CDK8: variants seen among roughly 807,000 people sequenced by gnomAD.
CDK8 encodes cyclin dependent kinase 8.
A neutral mutation model predicts 71.5 loss-of-function variants in CDK8; 29 were observed. The ratio of observed to expected loss-of-function variants is 0.41; its 90% CI spans 0.30 to 0.55. The LOEUF (loss-of-function observed/expected upper bound fraction) is 0.55, where lower values mean the gene tolerates loss of function less well. Ranked by LOEUF, CDK8 falls within the 20% of genes least tolerant of loss-of-function variation. The pLI is 0.37. For missense variants in CDK8, 288 were observed against 572.6 expected (o/e 0.50, Z 5.07); for synonymous variants, 161 against 192.1 (o/e 0.84, Z 1.34).
At chr13:26,348,745 T>C (rs1051738548) in intron 2 of CDK8, among the ~76,000 whole-genome samples, 17 of 152,174 alleles carry the variant, frequency 1.1e-4, no homozygotes, top group Non-Finnish European at 2.4e-4. Context: ...GTGAATATAC[T>C]TATAGGATGC....
At chr13:26,309,985 A>T (rs1311944499) in intron 1 of CDK8, among the ~76,000 whole-genome samples, 2 of 151,780 alleles carry the variant, frequency 1.3e-5, no homozygotes, top group Non-Finnish European at 2.9e-5. Context: ...CGAACTTCTG[A>T]CCTCAGGTGA....
intron 1 of CDK8, among the ~76,000 whole-genome samples, chr13:26,324,112 A>T (rs1874915822): frequency 6.6e-6 from 1 of 152,202 alleles, no homozygotes; most frequent in Non-Finnish European, 1.5e-5. Flanking sequence ...GAAATAATTG[A>T]TACAGAGTGC....
chr13:26,275,695 C>T (rs576082144), intron 1 of CDK8, among the ~76,000 whole-genome samples: 5 of 152,174 alleles, frequency 3.3e-5, no homozygotes, highest in South Asian at 4.1e-4. Context: ...CCTCATTAAC[C>T]CACCATGTAT....
intron 9 of CDK8, 37 bp downstream of exon 9, chr13:26,397,262 T>C: frequency 7.4e-7 from 1 of 1,356,676 alleles, no homozygotes; most frequent in Non-Finnish European, 1.0e-6. Context: ...AAATGCATTT[T>C]TTCCTTAATT....
chr13:26,378,167 C>T (rs1359067784), intron 4 of CDK8, among the ~76,000 whole-genome samples: 23 of 152,218 alleles, frequency 1.5e-4, no homozygotes, highest in Admixed American at 1.3e-3. Context: ...CTTCCTATGT[C>T]GGATAGCTCT....
At chr13:26,376,696 C>G (rs1710752730) in intron 4 of CDK8, among the ~76,000 whole-genome samples, 1 of 152,092 alleles carries the variant, frequency 6.6e-6, no homozygotes, top group African/African-American at 2.4e-5. Context: ...CCATATTGAT[C>G]TCTTAGCACT....
At chr13:26,265,924 T>C (rs1350495181) in intron 1 of CDK8, among the ~76,000 whole-genome samples, 2 of 152,084 alleles carry the variant, frequency 1.3e-5, no homozygotes, top group Admixed American at 1.3e-4. Flanking sequence ...AGAATGGCCA[T>C]AGGAAGCTGT....
At position 26,337,597 on chromosome 13, in the gene CDK8, A is replaced by G. The variant is rs1593272708; in HGVS notation, c.159A>G (p.Gln53=). 1.4e-6 allele frequency: 2 copies of G among 1,463,434 alleles called. No individual in the cohort carries two copies. The highest frequency in any genetic ancestry group is 9.0e-7 in the Non-Finnish European group (1 of 1,107,362). 90.7% of individuals were successfully genotyped at this position (1,463,434 alleles called of 1,614,324 possible). ...GKDDKDYALK[Q]IEGTGISMSA... is the part of the protein sequence containing the mutation. ...ATGATAAAGACTATGCTTTAAAACA[A>G]ATAGAAGGAACTGGGATCTCTATGT... Residue 53 remains glutamine, a synonymous_variant, in exon 2 of 13, where the codon CAA becomes CAG. Coordinates refer to ENST00000381527, the MANE Select transcript of CDK8 (RefSeq NM_001260.3).
At chr13:26,280,229 A>G (rs549546459) in intron 1 of CDK8, among the ~76,000 whole-genome samples, 1 of 152,380 alleles carries the variant, frequency 6.6e-6, no homozygotes, top group East Asian at 1.9e-4. Flanking sequence ...GGTGGCTAAG[A>G]AACTTAAATA....
chr13:26,358,129 A>G (rs1315897754), intron 4 of CDK8, among the ~76,000 whole-genome samples: 1 of 151,596 alleles, frequency 6.6e-6, no homozygotes, highest in Non-Finnish European at 1.5e-5. Flanking sequence ...CCCTATCTCT[A>G]CTAAAAAAAA....
intron 6 of CDK8, among the ~76,000 whole-genome samples, chr13:26,387,934 C>G (rs955081582): frequency 1.3e-5 from 2 of 152,224 alleles, no homozygotes; most frequent in Non-Finnish European, 2.9e-5. Flanking sequence ...CCTCACCTCA[C>G]TGTTCACCGT....
At chr13:26,388,097 G>A (rs937732137) in intron 6 of CDK8, among the ~76,000 whole-genome samples, 1 of 152,154 alleles carries the variant, frequency 6.6e-6, no homozygotes, top group Non-Finnish European at 1.5e-5. Context: ...GATTCAAGAA[G>A]GGAAAAGGAG....
At chr13:26,337,288 T>A (rs967387082) in intron 1 of CDK8, among the ~76,000 whole-genome samples, 1 of 152,212 alleles carries the variant, frequency 6.6e-6, no homozygotes, top group Non-Finnish European at 1.5e-5. Flanking sequence ...AGGAATCTAT[T>A]ACTGGAAGTC....
chr13:26,255,162 C>G (rs531645388), intron 1 of CDK8, among the ~76,000 whole-genome samples: 15 of 151,808 alleles, frequency 9.9e-5, no homozygotes. Flanking sequence ...TCTGGAGTGT[C>G]ATCCATCGGT....
intron 1 of CDK8, chr13:26,324,871 G>C: frequency 2.1e-6 from 1 of 484,688 alleles, no homozygotes; most frequent in Non-Finnish European, 2.7e-6. Flanking sequence ...ATAATGTACT[G>C]TAATTTTATA....
intron 6 of CDK8, among the ~76,000 whole-genome samples, chr13:26,387,350 G>A (rs1188992478): frequency 6.6e-6 from 1 of 152,106 alleles, no homozygotes; most frequent in East Asian, 1.9e-4. Flanking sequence ...GTGTCTCTTT[G>A]TATTTAAAAA....
intron 1 of CDK8, among the ~76,000 whole-genome samples, chr13:26,282,422 A>G (rs1460221364): frequency 6.6e-6 from 1 of 152,206 alleles, no homozygotes; most frequent in African/African-American, 2.4e-5. Flanking sequence ...TTTAGCCTCT[A>G]CAAACAAAAT....
chr13:26,314,301 A>C (rs1161463899), intron 1 of CDK8, among the ~76,000 whole-genome samples: 1 of 152,210 alleles, frequency 6.6e-6, no homozygotes, highest in African/African-American at 2.4e-5. Context: ...GTCTCTTCTG[A>C]GAAATAACAG....
At chr13:26,262,510 G>A (rs972168730) in intron 1 of CDK8, among the ~76,000 whole-genome samples, 13 of 152,162 alleles carry the variant, frequency 8.5e-5, no homozygotes, top group Admixed American at 4.6e-4. Flanking sequence ...AAAATACCAG[G>A]AGAAGCAAAA....
Sources: allele counts gnomAD v4.1 joint callset (sites outside exome capture counted in the v4.1 genomes callset), GRCh38; gene constraint gnomAD v4.1.1; transcripts MANE v1.5; gene names NCBI Gene and HGNC (gene_info 2026-07-23, HGNC 2026-07-21).